The following BCKDHB variants were observed in gnomAD, a reference collection of about 807,000 sequenced individuals.
The protein encoded by BCKDHB is branched chain keto acid dehydrogenase E1 subunit beta.
BCKDHB carries 41 observed loss-of-function variants against 48.5 expected under a neutral mutation model. The observed-to-expected ratio is 0.85, with a 90% CI of 0.66 to 1.10. The LOEUF (loss-of-function observed/expected upper bound fraction) is 1.10. Among genes scored for constraint, BCKDHB ranks in the 50% least tolerant of loss-of-function variants. The pLI is 0.00. For synonymous variants in BCKDHB, 201 were observed against 174.8 expected (o/e 1.15, Z -1.18); for missense variants, 496 against 494.2 (o/e 1.00, Z -0.03).
chr6:80,136,581 GC>G (rs138503162), intron 3 of BCKDHB, among the ~76,000 whole-genome samples: 2,178 of 152,092 alleles, frequency 0.014, 50 homozygotes, highest in African/African-American at 0.049. Context: ...AAAGGTATAG[GC>G]AACAATAAAA....
At chr6:80,157,956 CA>C (rs1772132184) in intron 3 of BCKDHB, among the ~76,000 whole-genome samples, 1 of 152,148 alleles carries the variant, frequency 6.6e-6, no homozygotes, top group Admixed American at 6.5e-5. Context: ...TCATGATTGC[CA>C]TAGACATAAA....
At chr6:80,452,901 A>C in the BCKDHB span, among the ~76,000 whole-genome samples, 1 of 151,658 alleles carries the variant, frequency 6.6e-6, no homozygotes, top group Non-Finnish European at 1.5e-5. Context: ...GCAACAAACT[A>C]TCTTTTCTTC....
At chr6:80,309,736 G>A (rs1768058768) in intron 9 of BCKDHB, among the ~76,000 whole-genome samples, 1 of 152,064 alleles carries the variant, frequency 6.6e-6, no homozygotes, top group South Asian at 2.1e-4. Flanking sequence ...TAGTATCGGG[G>A]TACATGTGTA....
chr6:80,141,053 A>G (rs929428010), intron 3 of BCKDHB, among the ~76,000 whole-genome samples: 4 of 152,088 alleles, frequency 2.6e-5, no homozygotes, highest in Admixed American at 6.6e-5. Context: ...GTGTCCAGGA[A>G]TTTATCCATT....
At chr6:80,438,933 T>C in the BCKDHB span, among the ~76,000 whole-genome samples, 1 of 152,172 alleles carries the variant, frequency 6.6e-6, no homozygotes, top group Non-Finnish European at 1.5e-5. Context: ...TATGCAGTCA[T>C]TCAGAGACAG....
intron 6 of BCKDHB, among the ~76,000 whole-genome samples, chr6:80,190,298 AT>A (rs1253491970): frequency 2.0e-5 from 3 of 152,232 alleles, no homozygotes; most frequent in African/African-American, 7.2e-5. Flanking sequence ...TATGGCAAGC[AT>A]AACACCTCCC....
At chr6:80,443,006 A>C in the BCKDHB span, among the ~76,000 whole-genome samples, 1 of 152,302 alleles carries the variant, frequency 6.6e-6, no homozygotes, top group East Asian at 1.9e-4. Flanking sequence ...CAGAGATATC[A>C]GTGTGTGGCT....
chr6:80,434,784 G>T, the BCKDHB span, among the ~76,000 whole-genome samples: 1 of 152,120 alleles, frequency 6.6e-6, no homozygotes, highest in African/African-American at 2.4e-5. Flanking sequence ...ACTCTGGCTG[G>T]TGGAAATATG....
intron 5 of BCKDHB, among the ~76,000 whole-genome samples, chr6:80,170,463 A>G (rs1342734794): frequency 6.6e-6 from 1 of 152,220 alleles, no homozygotes; most frequent in Non-Finnish European, 1.5e-5. Context: ...GAGCTTTGGT[A>G]TCAGTGGGAA....
chr6:80,162,622 G>A (rs751452040), intron 3 of BCKDHB, among the ~76,000 whole-genome samples: 1 of 152,072 alleles, frequency 6.6e-6, no homozygotes, highest in African/African-American at 2.4e-5. Flanking sequence ...AGGCTGGGGC[G>A]GGTGGATCAC....
the BCKDHB span, among the ~76,000 whole-genome samples, chr6:80,407,901 A>C: frequency 6.6e-6 from 1 of 152,006 alleles, no homozygotes. Flanking sequence ...GTTGAATAGG[A>C]GTGTTGAGAG....
the BCKDHB span, among the ~76,000 whole-genome samples, chr6:80,382,800 T>C: frequency 6.6e-6 from 1 of 152,226 alleles, no homozygotes; most frequent in Non-Finnish European, 1.5e-5. Flanking sequence ...TAAAATTGCA[T>C]TATTACATTT....
chr6:80,256,008 C>A (rs1219490673), intron 8 of BCKDHB, among the ~76,000 whole-genome samples: 1 of 152,146 alleles, frequency 6.6e-6, no homozygotes, highest in Non-Finnish European at 1.5e-5. Flanking sequence ...TATTTCCCCC[C>A]AAAGGCTGAA....
Position 80,343,895 on chromosome 6 carries a change from T to A in BCKDHB, c.*91T>A. 1 of 1,502,902 alleles carries A rather than the reference T, an allele frequency of 6.7e-7. No homozygotes were observed. The allele number at this position is 1,502,902 out of a possible 1,614,324, so 93.1% of individuals were successfully genotyped here. ...CAAGACACAGCAATCATCAGTGTTT[T>A]GATGGTAACAAACTTTGATGGTAAA... On this transcript the variant is annotated 3_prime_UTR_variant, in exon 10 of 10. Transcript: ENST00000320393.
chr6:80,327,251 A>G (rs1769077822), intron 9 of BCKDHB, among the ~76,000 whole-genome samples: 1 of 152,198 alleles, frequency 6.6e-6, no homozygotes. Context: ...ATTAGCCTAC[A>G]GTTGGGCAAA....
intron 1 of BCKDHB, among the ~76,000 whole-genome samples, chr6:80,117,596 A>T (rs1426569471): frequency 6.6e-6 from 1 of 152,212 alleles, no homozygotes; most frequent in African/African-American, 2.4e-5. Flanking sequence ...GTTTACGGGG[A>T]TGAGGGCAAG....
the BCKDHB span, among the ~76,000 whole-genome samples, chr6:80,380,490 A>T: frequency 6.6e-6 from 1 of 152,174 alleles, no homozygotes; most frequent in Non-Finnish European, 1.5e-5. Context: ...ATTCTAGAAG[A>T]AAATCTAGAA....
Position 80,345,889 on chromosome 6 carries a change from ACAACTC to A in BCKDHB, c.*2089_*2094del, listed in dbSNP as rs1770177050. 6.6e-6 allele frequency: 1 copy of A among 152,240 alleles called. No homozygotes were observed. Among genetic ancestry groups the A allele is most frequent in the Non-Finnish European group, 1.5e-5 (1 of 68,050 alleles). 9.4% of individuals were successfully genotyped at this position (152,240 alleles called of 1,614,324 possible). A position where few individuals can be genotyped will look rare whatever the true frequency, so the allele number is the denominator to read the frequency against. ...ATGCTGAAAATACGATAAAAGAAAA[ACAACTC>A]CAATATGCTAAAAGTTAAATATGGT... On this transcript the variant is annotated 3_prime_UTR_variant, in exon 10 of 10. Transcript: ENST00000320393.
chr6:80,162,773 C>A (rs1050389628), intron 3 of BCKDHB, among the ~76,000 whole-genome samples: 1 of 152,082 alleles, frequency 6.6e-6, no homozygotes, highest in Non-Finnish European at 1.5e-5. Flanking sequence ...ATCACTTGAA[C>A]CCAGGAGGTA....
Sources: allele counts gnomAD v4.1 joint callset (sites outside exome capture counted in the v4.1 genomes callset), GRCh38; gene constraint gnomAD v4.1.1; transcripts MANE v1.5; gene names NCBI Gene and HGNC (gene_info 2026-07-23, HGNC 2026-07-21).